Variants in SYNE3 observed in about 807,000 individuals in gnomAD.
SYNE3 encodes spectrin repeat containing nuclear envelope family member 3, also known as nesprin-3.
In SYNE3, 100 loss-of-function variants were observed where a neutral mutation model predicts 111.2. The observed-to-expected ratio is 0.90, with a 90% CI of 0.77 to 1.06. SYNE3 has a LOEUF of 1.06. SYNE3 is among the 50% of genes least tolerant of loss of function. SYNE3 has a pLI of 0.00. For synonymous variants in SYNE3, 547 were observed against 533.9 expected, an observed-to-expected ratio of 1.02 and a Z score of -0.34; for missense variants, 1,160 against 1,240.3, an observed-to-expected ratio of 0.94 and a Z score of 0.97.
chr14:95,455,536 C>T lies in SYNE3; in HGVS notation c.978G>A (p.Leu326=). ...WEEEEERLRG[L]LRSRGAWEQQ... is the part of the protein sequence containing the mutation. ...GCTCCCAGGCTCCCCTGGACCGGAG[C>T]AGGCCCCGCAGCCGCTCCTCCTCCT... is the stretch of plus-strand genomic sequence containing the variant. Residue 326 remains leucine, a synonymous_variant, in exon 6 of 18, where the codon CTG becomes CTA. Coordinates refer to ENST00000682763, the MANE Select transcript of SYNE3 (RefSeq NM_152592.6). 1 of 1,613,910 alleles carries T rather than the reference C, an allele frequency of 6.2e-7. No homozygotes were observed. The highest frequency in any genetic ancestry group is 1.7e-5 in the Admixed American group (1 of 60,022).
Position 95,500,595 on chromosome 14 carries a change from A to G in SYNE3, c.-15+16001T>C, listed in dbSNP as rs901872762. ...GCCTGTGTCCGGGGCTGAGCTCCCC[A>G]TCAGACCCAGAGAACAATGCCCCAC... On this transcript the variant is annotated intron_variant, in intron 1 of 17. Transcript: ENST00000682763. The surrounding 1 kb of genome is among the most constrained non-coding windows in gnomAD (Gnocchi z 4.7). Among the ~76,000 whole-genome samples the G allele has an allele frequency of 6.6e-6, 1 of 152,184 alleles. No individual in the cohort carries two copies. Among genetic ancestry groups the G allele is most frequent in the African/African-American group, 2.4e-5 (1 of 41,448 alleles).
chr14:95,493,176 T>G (rs140863578), intron 1 of SYNE3, among the ~76,000 whole-genome samples: 1 of 152,176 alleles, frequency 6.6e-6, no homozygotes, highest in East Asian at 1.9e-4. Flanking sequence ...GGGGTGCCAA[T>G]GTAAAGGAAG....
In SYNE3 at chr14:95,407,315, A is replaced by G. The variant is rs17111964; in HGVS notation, c.*10511T>C. 2.0e-5 allele frequency: 3 copies of G among 152,150 alleles called. No individual in the cohort carries two copies. Among genetic ancestry groups the G allele is most frequent in the Admixed American group, 2.0e-4 (3 of 15,286 alleles). The allele number at this position is 152,150 out of a possible 1,614,324, so 9.4% of individuals were successfully genotyped here. A position where few individuals can be genotyped will look rare whatever the true frequency, so the allele number is the denominator to read the frequency against. ...TTATTTCCAAACACAAAGCAGATAC[A>G]TTTTTAAAAACATAAAACAACAGCA... On this transcript the variant is annotated 3_prime_UTR_variant, in exon 18 of 18. Coordinates refer to ENST00000682763, the MANE Select transcript of SYNE3 (RefSeq NM_152592.6).
chr14:95,506,710 G>A (rs1182809845), intron 1 of SYNE3, among the ~76,000 whole-genome samples: 8 of 152,190 alleles, frequency 5.3e-5, no homozygotes, highest in Admixed American at 3.9e-4. Flanking sequence ...CCATTGGAAC[G>A]GGCGTGACCC....
chr14:95,487,084 G>T (rs550634244), intron 1 of SYNE3, among the ~76,000 whole-genome samples: 23 of 151,986 alleles, frequency 1.5e-4, no homozygotes, highest in Admixed American at 9.2e-4. Context: ...TGCCCCACCC[G>T]CCCCTCCGCA....
rs562415245 is a variant in SYNE3 at position 95,418,281 on chromosome 14, C to A, written c.2728-255G>T. ...ACAGTTGCAGGCTCTGCCATTGTGA[C>A]ATATATCTTTGCCTGGTGTAGCAGA... On this transcript the variant is annotated intron_variant, in intron 17 of 17. Coordinates refer to ENST00000682763, the MANE Select transcript of SYNE3 (RefSeq NM_152592.6). Among the ~76,000 whole-genome samples, 9 of 152,322 alleles carry A rather than the reference C, an allele frequency of 5.9e-5. No individual in the cohort carries two copies. The South Asian group carries it at 1.9e-3, about 32-fold the overall frequency.
chr14:95,479,520 T>C (rs184170400), intron 1 of SYNE3, among the ~76,000 whole-genome samples: 29 of 151,884 alleles, frequency 1.9e-4, no homozygotes, highest in African/African-American at 7.0e-4. Flanking sequence ...CAGCTCAAGG[T>C]TGGGGGAGCA....
intron 1 of SYNE3, among the ~76,000 whole-genome samples, chr14:95,497,598 C>T (rs1217364870): frequency 1.3e-5 from 2 of 152,126 alleles, no homozygotes; most frequent in South Asian, 4.2e-4. Flanking sequence ...GACTGCAAAG[C>T]GCTGCACTCT....
chr14:95,447,908 C>A (rs982469550), intron 8 of SYNE3, among the ~76,000 whole-genome samples: 1 of 152,190 alleles, frequency 6.6e-6, no homozygotes, highest in Admixed American at 6.5e-5. Flanking sequence ...AATAAAACTA[C>A]CTGTGCATAG....
intron 1 of SYNE3, among the ~76,000 whole-genome samples, chr14:95,501,465 T>TG (rs1461615378): frequency 6.6e-6 from 1 of 152,202 alleles, no homozygotes; most frequent in Non-Finnish European, 1.5e-5. Flanking sequence ...GGCACCTCCA[T>TG]GGGGCATCCA....
Position 95,407,846 on chromosome 14 carries a change from G to A in SYNE3, c.*9980C>T, listed in dbSNP as rs994775035. 3 of 151,914 alleles carry A rather than the reference G, an allele frequency of 2.0e-5. No homozygotes were observed. The highest frequency in any genetic ancestry group is 4.4e-5 in the Non-Finnish European group (3 of 68,036). The allele number at this position is 151,914 out of a possible 1,614,324, so 9.4% of individuals were successfully genotyped here. On this transcript the variant is annotated 3_prime_UTR_variant, in exon 18 of 18. Coordinates refer to ENST00000682763, the MANE Select transcript of SYNE3 (RefSeq NM_152592.6). Reference sequence around the variant, plus strand: ...ACACTGCATGAAACACACCATTCCAGCTACATGAACAGGTCAGTATCAGGT... The same window carrying A: ...ACACTGCATGAAACACACCATTCCAACTACATGAACAGGTCAGTATCAGGT...
chr14:95,499,107 T>C (rs1233585975), intron 1 of SYNE3, among the ~76,000 whole-genome samples: 2 of 152,194 alleles, frequency 1.3e-5, no homozygotes, highest in Non-Finnish European at 2.9e-5. Flanking sequence ...CTGCAGTGCC[T>C]GGGCCCTTGA....
rs149000067 is a variant in SYNE3, at chr14:95,466,124, C to T, written c.434G>A (p.Gly145Asp). 3.5e-5 allele frequency: 56 copies of T among 1,612,566 alleles called. No individual in the cohort carries two copies. In the African/African-American group the frequency reaches 6.7e-4, roughly 19 times the overall value. ...CAGCTGCCACTGCTTCTCCTTCAGG[C>T]CCAGCTGGAGCTCGATGTGGGGCTC... ...TLEPHIELQLGLKEKQWQLSH... is the reference protein window; with the variant it reads ...TLEPHIELQLDLKEKQWQLSH... The change falls in exon 4 of 18, where the codon GGC becomes GAC. Residue 145 changes from glycine (G) to aspartate (D), a missense_variant. By Grantham distance (94) the Gly-to-Asp change is moderately conservative. Coordinates refer to ENST00000682763, the MANE Select transcript of SYNE3 (RefSeq NM_152592.6).
intron 2 of SYNE3, among the ~76,000 whole-genome samples, chr14:95,473,595 T>C (rs1888669341): frequency 6.6e-6 from 1 of 152,116 alleles, no homozygotes; most frequent in South Asian, 2.1e-4. Context: ...CGAGGTCTTC[T>C]GCCAATCAAA....
At position 95,415,282 on chromosome 14, in the gene SYNE3, C is replaced by T. The variant is rs1246137537; in HGVS notation, c.*2544G>A. On this transcript the variant is annotated 3_prime_UTR_variant, in exon 18 of 18. Transcript: ENST00000682763. ...AAAGTGGACACCTGGCAAGGCCCCC[C>T]CACCCACCCACCCTGCCACTGCTCT... 1 of 136,168 alleles carries T rather than the reference C, an allele frequency of 7.3e-6. No homozygotes were observed. Among genetic ancestry groups the T allele is most frequent in the South Asian group, 2.9e-4 (1 of 3,474 alleles). 8.4% of individuals were successfully genotyped at this position (136,168 alleles called of 1,614,324 possible).
rs1211406457 is a variant in SYNE3, at chr14:95,412,469, A to G, written c.*5357T>C. The G allele has an allele frequency of 1.3e-5, 2 of 152,210 alleles. No homozygotes were observed. The highest frequency in any genetic ancestry group is 3.8e-4 in the East Asian group (2 of 5,202). 9.4% of individuals were successfully genotyped at this position (152,210 alleles called of 1,614,324 possible). A position where few individuals can be genotyped will look rare whatever the true frequency, so the allele number is the denominator to read the frequency against. On this transcript the variant is annotated 3_prime_UTR_variant, in exon 18 of 18. Coordinates refer to ENST00000682763, the MANE Select transcript of SYNE3 (RefSeq NM_152592.6). ...GCACAAAGCCTGGCACAGGCTGGAG[A>G]ATGCTTGTTGCATTGGATTAAGATG... is the stretch of plus-strand genomic sequence containing the variant.
At chr14:95,437,663 T>C (rs1886170275) in intron 14 of SYNE3, 1 of 152,040 alleles carries the variant, frequency 6.6e-6, no homozygotes, top group South Asian at 2.1e-4. Flanking sequence ...CCATGTTTTT[T>C]TTGTTTGTTT....
rs527375736 is a variant in SYNE3 at position 95,494,906 on chromosome 14, C to T, written c.-14-19071G>A. 1.2e-3 allele frequency among the ~76,000 whole-genome samples: 189 copies of T among 151,578 alleles called. 1 individual carries two copies. Among genetic ancestry groups the T allele is most frequent in the African/African-American group, 4.2e-3 (172 of 41,288 alleles). ...GGTGTGTGGATCGCCTGAGGTCAGG[C>T]GTTCGAGCCAGCCTGGCCAGCATGG... On this transcript the variant is annotated intron_variant, in intron 1 of 17. Transcript: ENST00000682763.
intron 17 of SYNE3, among the ~76,000 whole-genome samples, chr14:95,419,869 G>GGTGGTGGTGGTC (rs1884986390): frequency 6.7e-6 from 1 of 149,984 alleles, no homozygotes. Flanking sequence ...TGGAGGTGAT[G>GGTGGTGGTGGTC]GTGATGGTGA....
Sources: allele counts gnomAD v4.1 joint callset (sites outside exome capture counted in the v4.1 genomes callset), GRCh38; gene constraint gnomAD v4.1.1; non-coding constraint Gnocchi (gnomAD v3.1); transcripts MANE v1.5; gene names NCBI Gene and HGNC (gene_info 2026-07-23, HGNC 2026-07-21).